The following CTNNA3 variants were observed in gnomAD, a reference collection of about 807,000 sequenced individuals.
The protein encoded by CTNNA3 is catenin alpha 3, also known as catenin alpha-3.
In CTNNA3, 76 loss-of-function variants were observed where a neutral mutation model predicts 95.7. That is an observed-to-expected ratio of 0.79 (90% CI 0.66 to 0.96). CTNNA3 has a LOEUF of 0.96. CTNNA3 is among the 40% of genes least tolerant of loss of function. The probability of loss-of-function intolerance (pLI) is 0.00; values close to 1 mark genes in which losing one functional copy is unlikely to be tolerated. For synonymous variants in CTNNA3, 431 were observed against 374.4 expected (o/e 1.15, Z -1.74); for missense variants, 1,191 against 1,089.8 (o/e 1.09, Z -1.31).
intron 11 of CTNNA3, among the ~76,000 whole-genome samples, chr10:66,512,929 T>C (rs1240120690): frequency 6.6e-6 from 1 of 151,964 alleles, no homozygotes; most frequent in Non-Finnish European, 1.5e-5. Context: ...TTGGTGTTTT[T>C]AGAATTCCCT....
intron 12 of CTNNA3, among the ~76,000 whole-genome samples, chr10:66,285,804 G>A (rs2091576691): frequency 6.6e-6 from 1 of 151,730 alleles, no homozygotes; most frequent in Non-Finnish European, 1.5e-5. Context: ...AGAATTAATA[G>A]TAGAAAGTGG....
At chr10:66,717,990 T>C (rs1390385355) in intron 9 of CTNNA3, among the ~76,000 whole-genome samples, 1 of 152,132 alleles carries the variant, frequency 6.6e-6, no homozygotes, top group Non-Finnish European at 1.5e-5. Flanking sequence ...TAAGGCATGA[T>C]TATATATTAC....
At chr10:66,870,373 C>T (rs1163458183) in intron 7 of CTNNA3, among the ~76,000 whole-genome samples, 3 of 152,152 alleles carry the variant, frequency 2.0e-5, no homozygotes, top group African/African-American at 7.2e-5. Context: ...GTTAAATTTA[C>T]TGCAAAACTT....
intron 11 of CTNNA3, among the ~76,000 whole-genome samples, chr10:66,409,252 G>A (rs2093081460): frequency 6.6e-6 from 1 of 152,148 alleles, no homozygotes; most frequent in Non-Finnish European, 1.5e-5. Flanking sequence ...GCAATGAGAA[G>A]TGGTCAAAGA....
intron 5 of CTNNA3, among the ~76,000 whole-genome samples, chr10:67,481,059 T>C (rs1421725654): frequency 6.6e-6 from 1 of 152,240 alleles, no homozygotes; most frequent in African/African-American, 2.4e-5. Flanking sequence ...GATGATCATA[T>C]GGTTTTGGTT....
At chr10:67,264,863 T>C (rs1025631806) in intron 5 of CTNNA3, among the ~76,000 whole-genome samples, 1 of 152,204 alleles carries the variant, frequency 6.6e-6, no homozygotes, top group African/African-American at 2.4e-5. Flanking sequence ...GATGCCGTAA[T>C]TCACCATTTC....
At chr10:66,620,050 A>G (rs916117844) in intron 10 of CTNNA3, among the ~76,000 whole-genome samples, 1 of 152,124 alleles carries the variant, frequency 6.6e-6, no homozygotes, top group Non-Finnish European at 1.5e-5. Context: ...TAGACATAAA[A>G]ATATATTTCA....
chr10:67,522,781 T>C (rs1439721447), intron 4 of CTNNA3, among the ~76,000 whole-genome samples: 1 of 152,062 alleles, frequency 6.6e-6, no homozygotes, highest in East Asian at 1.9e-4. Context: ...GGATTCTTGG[T>C]TTATTTTCAT....
intron 13 of CTNNA3, among the ~76,000 whole-genome samples, chr10:66,279,449 C>A (rs1049015958): frequency 7.9e-5 from 12 of 152,070 alleles, no homozygotes; most frequent in Non-Finnish European, 1.8e-4. Context: ...GAATTACTTT[C>A]TTTGGCCACA....
At chr10:66,311,789 T>A (rs2092024829) in intron 12 of CTNNA3, among the ~76,000 whole-genome samples, 1 of 152,178 alleles carries the variant, frequency 6.6e-6, no homozygotes, top group South Asian at 2.1e-4. Flanking sequence ...AAAATAATTT[T>A]TTTTACGTTG....
At chr10:67,679,759 G>A (rs1264154063) in intron 1 of CTNNA3, among the ~76,000 whole-genome samples, 1 of 152,108 alleles carries the variant, frequency 6.6e-6, no homozygotes, top group African/African-American at 2.4e-5. Context: ...ATAAAGAAAT[G>A]TGAGCTATCT....
chr10:66,697,714 A>G (rs1050875097), intron 9 of CTNNA3, among the ~76,000 whole-genome samples: 1 of 152,182 alleles, frequency 6.6e-6, no homozygotes, highest in East Asian at 1.9e-4. Flanking sequence ...TTTAAGTTGC[A>G]TTCCCAGTAC....
At chr10:66,286,533 A>C (rs2091592052) in intron 12 of CTNNA3, among the ~76,000 whole-genome samples, 1 of 152,100 alleles carries the variant, frequency 6.6e-6, no homozygotes, top group South Asian at 2.1e-4. Flanking sequence ...AAAAATAGAA[A>C]GGTAAAAGGG....
intron 9 of CTNNA3, among the ~76,000 whole-genome samples, chr10:66,722,474 G>A (rs768867584): frequency 6.6e-6 from 1 of 152,010 alleles, no homozygotes; most frequent in Non-Finnish European, 1.5e-5. Context: ...ATTTTCCTGA[G>A]TGTAAGTAAA....
chr10:66,771,763 C>A (rs553809060), intron 8 of CTNNA3, among the ~76,000 whole-genome samples: 1 of 152,020 alleles, frequency 6.6e-6, no homozygotes, highest in African/African-American at 2.4e-5. Context: ...GAGAGCTTTG[C>A]AAAGCATTTA....
At chr10:66,166,523 A>T (rs2085141917) in intron 13 of CTNNA3, among the ~76,000 whole-genome samples, 1 of 150,218 alleles carries the variant, frequency 6.7e-6, no homozygotes, top group African/African-American at 2.5e-5. Flanking sequence ...AAAAAAGAAG[A>T]AGTTTCAGAA....
rs1176919938 is a variant in CTNNA3 at position 67,538,157 on chromosome 10, T to TAAAAAAAA, written c.459+1338_459+1345dup. The stretch of plus-strand genomic sequence containing the variant: ...CCCTTTCCTAAAAAGCTACTTAAAC[T>TAAAAAAAA]AAAAAAAAAAAAAAAAAAAAAAAGG... On this transcript the variant is annotated intron_variant, in intron 4 of 17. Coordinates refer to ENST00000433211, the MANE Select transcript of CTNNA3 (RefSeq NM_013266.4). 1.8e-3 allele frequency among the ~76,000 whole-genome samples: 108 copies of TAAAAAAAA among 59,166 alleles called. 4 individuals are homozygous for TAAAAAAAA. Among genetic ancestry groups the TAAAAAAAA allele is most frequent in the African/African-American group, 4.6e-3 (64 of 13,798 alleles). 38.8% of individuals were successfully genotyped at this position (59,166 alleles called of 152,430 possible).
chr10:66,638,072 A>G (rs1360530781), intron 9 of CTNNA3, among the ~76,000 whole-genome samples: 2 of 152,146 alleles, frequency 1.3e-5, no homozygotes, highest in African/African-American at 4.8e-5. Context: ...GAAGAACAAG[A>G]CAAGACTGTC....
intron 16 of CTNNA3, among the ~76,000 whole-genome samples, chr10:65,983,368 T>A (rs536497422): frequency 6.6e-6 from 1 of 151,610 alleles, no homozygotes; most frequent in Non-Finnish European, 1.5e-5. Flanking sequence ...TAGGTTATAC[T>A]GCTTCTATAA....
Sources: gnomAD v4.1 joint callset for allele counts (sites outside exome capture counted in the v4.1 genomes callset) on GRCh38, gnomAD v4.1.1 for gene constraint, MANE v1.5 for transcripts, NCBI Gene and HGNC (gene_info 2026-07-23, HGNC 2026-07-21) for gene names.